The following SUGCT variants were observed in gnomAD, a reference collection of about 807,000 sequenced individuals.
SUGCT encodes the protein succinyl-CoA:glutarate-CoA transferase, also known as succinyl-CoA:glutarate CoA-transferase.
A neutral mutation model predicts 55.0 loss-of-function variants in SUGCT; 41 were observed. The observed-to-expected ratio is 0.74, with a 90% CI of 0.58 to 0.97. The LOEUF (loss-of-function observed/expected upper bound fraction) is 0.97, where lower values mean the gene tolerates loss of function less well. Among genes scored for constraint, SUGCT ranks in the 50% least tolerant of loss-of-function variants. SUGCT has a pLI of 0.00. For missense variants in SUGCT, 568 were observed against 547.8 expected (o/e 1.04, Z -0.37); for synonymous variants, 187 against 200.4 (o/e 0.93, Z 0.56).
chr7:40,779,227 T>C (rs1031671437), intron 13 of SUGCT, among the ~76,000 whole-genome samples: 13 of 152,314 alleles, frequency 8.5e-5, no homozygotes, highest in African/African-American at 2.9e-4. Flanking sequence ...TTATTAATGA[T>C]GCTAAGAATG....
chr7:40,373,077 G>A (rs1376874238), intron 9 of SUGCT, among the ~76,000 whole-genome samples: 1 of 151,830 alleles, frequency 6.6e-6, no homozygotes, highest in Non-Finnish European at 1.5e-5. Context: ...AAACAATTTT[G>A]GGGAATTCAT....
At chr7:40,291,075 A>G (rs1243354842) in intron 8 of SUGCT, among the ~76,000 whole-genome samples, 1 of 152,138 alleles carries the variant, frequency 6.6e-6, no homozygotes, top group Non-Finnish European at 1.5e-5. Flanking sequence ...AACTAGTTCA[A>G]CCATTGTGGA....
At chr7:41,009,501 C>G in the SUGCT span, among the ~76,000 whole-genome samples, 1 of 152,028 alleles carries the variant, frequency 6.6e-6, no homozygotes, top group Non-Finnish European at 1.5e-5. Context: ...TGTATCCATC[C>G]ACCATCCTTC....
chr7:40,298,095 G>C (rs1794282838), intron 8 of SUGCT, among the ~76,000 whole-genome samples: 1 of 149,600 alleles, frequency 6.7e-6, no homozygotes, highest in African/African-American at 2.5e-5. Flanking sequence ...TTTTCTTGAA[G>C]TTAGCTACAA....
intron 7 of SUGCT, among the ~76,000 whole-genome samples, chr7:40,269,393 G>T (rs944733186): frequency 1.3e-5 from 2 of 152,056 alleles, no homozygotes; most frequent in African/African-American, 4.8e-5. Flanking sequence ...TGGAATCTCA[G>T]CTCACTGCAA....
rs150448541 is a variant in SUGCT at position 40,602,780 on chromosome 7, A to T, written c.1089+106394A>T. On this transcript the variant is annotated intron_variant, in intron 12 of 13. Transcript: ENST00000335693. ...GTTCTTTTTGTCATCCATTCTAATC[A>T]TTTCTAGGTGTATGTACTATCTCTC... is the stretch of plus-strand genomic sequence containing the variant. 3.6e-4 allele frequency among the ~76,000 whole-genome samples: 54 copies of T among 152,072 alleles called. No individual in the cohort carries two copies. The East Asian group carries it at 9.3e-3, about 26-fold the overall frequency.
chr7:40,385,481 A>C (rs1479917195), intron 9 of SUGCT, among the ~76,000 whole-genome samples: 1 of 152,150 alleles, frequency 6.6e-6, no homozygotes, highest in Non-Finnish European at 1.5e-5. Flanking sequence ...TCTTCTAAAA[A>C]AGATATAATT....
chr7:41,019,320 A>G, the SUGCT span, among the ~76,000 whole-genome samples: 1 of 152,224 alleles, frequency 6.6e-6, no homozygotes, highest in South Asian at 2.1e-4. Context: ...TGTCATCCAC[A>G]TAAGTACTTG....
At chr7:40,195,187 C>T (rs1407555794) in intron 6 of SUGCT, 127 bp downstream of exon 6, 8 of 1,030,854 alleles carry the variant, frequency 7.8e-6, no homozygotes, top group Non-Finnish European at 1.1e-5. Context: ...TTTTCCAAGG[C>T]CGTTTAGGTT....
chr7:40,753,332 G>A (rs1329150942), intron 13 of SUGCT, among the ~76,000 whole-genome samples: 1 of 152,120 alleles, frequency 6.6e-6, no homozygotes, highest in East Asian at 1.9e-4. Flanking sequence ...AATATGGTAA[G>A]TCTGCCAAAA....
intron 11 of SUGCT, among the ~76,000 whole-genome samples, chr7:40,491,794 C>T (rs562244445): frequency 1.3e-5 from 2 of 152,122 alleles, no homozygotes; most frequent in African/African-American, 4.8e-5. Flanking sequence ...AGTTTGAGAC[C>T]AGTCTGGCAA....
At chr7:40,931,156 C>T in the SUGCT span, among the ~76,000 whole-genome samples, 1 of 152,098 alleles carries the variant, frequency 6.6e-6, no homozygotes, top group Non-Finnish European at 1.5e-5. Context: ...TGTCAAAGGC[C>T]TTTTCTGCAT....
intron 9 of SUGCT, among the ~76,000 whole-genome samples, chr7:40,381,889 T>G (rs17171704): frequency 0.55 from 83,641 of 151,834 alleles, 23,172 homozygotes; most frequent in South Asian, 0.65. Context: ...TCATATATGT[T>G]TTTTCTGCTG....
chr7:40,950,462 T>G, the SUGCT span, among the ~76,000 whole-genome samples: 1 of 152,204 alleles, frequency 6.6e-6, no homozygotes, highest in Non-Finnish European at 1.5e-5. Context: ...TTCTCCTGCC[T>G]GATTACCCAG....
At chr7:40,493,489 T>G (rs2151513399) in intron 11 of SUGCT, among the ~76,000 whole-genome samples, 1 of 152,336 alleles carries the variant, frequency 6.6e-6, no homozygotes, top group African/African-American at 2.4e-5. Context: ...AATGTTGATG[T>G]TAGGAAATTT....
At chr7:40,757,823 A>C (rs761967891) in intron 13 of SUGCT, among the ~76,000 whole-genome samples, 41 of 152,226 alleles carry the variant, frequency 2.7e-4, no homozygotes, top group Non-Finnish European at 4.4e-4. Flanking sequence ...AAGATGTATC[A>C]GAAATTTTCA....
intron 13 of SUGCT, among the ~76,000 whole-genome samples, chr7:40,808,926 A>G (rs1791250841): frequency 1.3e-5 from 2 of 152,154 alleles, no homozygotes. Context: ...ATACCCCCAG[A>G]CAATTCATGC....
chr7:40,178,823 T>C (rs1489858177), intron 1 of SUGCT, among the ~76,000 whole-genome samples: 1 of 152,182 alleles, frequency 6.6e-6, no homozygotes, highest in Non-Finnish European at 1.5e-5. Context: ...GAATTATTTC[T>C]TTGGTAATAT....
At chr7:40,879,377 T>A in the SUGCT span, among the ~76,000 whole-genome samples, 1 of 152,170 alleles carries the variant, frequency 6.6e-6, no homozygotes, top group East Asian at 1.9e-4. Flanking sequence ...CTAGACGTAT[T>A]CAGAAGCAAA....
Sources: gnomAD v4.1 joint callset for allele counts (sites outside exome capture counted in the v4.1 genomes callset) on GRCh38, gnomAD v4.1.1 for gene constraint, MANE v1.5 for transcripts, NCBI Gene and HGNC (gene_info 2026-07-23, HGNC 2026-07-21) for gene names.